The following CDH23 variants were observed in gnomAD, a reference collection of about 807,000 sequenced individuals.
CDH23 encodes cadherin related 23, also known as cadherin-23.
Under a neutral mutation model 317.1 loss-of-function variants are expected in CDH23, and 189 were observed. The ratio of observed to expected loss-of-function variants is 0.60; its 90% CI spans 0.53 to 0.67. The LOEUF is 0.67. Ranked by LOEUF, CDH23 falls within the 30% of genes least tolerant of loss-of-function variation. The pLI is 0.00. For synonymous variants in CDH23, 1,839 were observed against 1,876.8 expected, an observed-to-expected ratio of 0.98 and a Z score of 0.52; for missense variants, 4,401 against 4,592.4, an observed-to-expected ratio of 0.96 and a Z score of 1.20.
chr10:71,651,772 A>AC lies in CDH23; in HGVS notation c.1449+5160dup, dbSNP rs1398730571. 5.9e-5 allele frequency among the ~76,000 whole-genome samples: 9 copies of AC among 151,996 alleles called. No individual in the cohort carries two copies. In the East Asian group the frequency reaches 1.5e-3, roughly 26 times the overall value. On this transcript the variant is annotated intron_variant, in intron 14 of 69. Transcript: ENST00000224721. The stretch of plus-strand genomic sequence containing the variant: ...GGAAGGCCTATATCAAACCATCCAT[A>AC]CCCCCTTGCCTGTTCCATCCTTGTG...
At chr10:71,684,378 T>G (rs1040329627) in intron 18 of CDH23, among the ~76,000 whole-genome samples, 1 of 152,146 alleles carries the variant, frequency 6.6e-6, no homozygotes, top group Non-Finnish European at 1.5e-5. Context: ...AAGGAGGCAG[T>G]GAATTCTGTG....
At chr10:71,550,636 G>C (rs1249734682) in intron 6 of CDH23, among the ~76,000 whole-genome samples, 1 of 151,840 alleles carries the variant, frequency 6.6e-6, no homozygotes, top group African/African-American at 2.4e-5. Context: ...AGACAAGGCT[G>C]CCTGTGGGAA....
intron 69 of CDH23, among the ~76,000 whole-genome samples, chr10:71,813,776 C>T (rs1042230083): frequency 2.0e-5 from 3 of 152,066 alleles, no homozygotes; most frequent in African/African-American, 7.2e-5. Context: ...GGCCTGGTGG[C>T]GGACGCCTAT....
intron 41 of CDH23, among the ~76,000 whole-genome samples, chr10:71,780,402 C>A (rs1840921063): frequency 6.6e-6 from 1 of 152,052 alleles, no homozygotes; most frequent in African/African-American, 2.4e-5. Context: ...GTGAAGGCAG[C>A]AATTGTAGGT....
chr10:71,415,735 T>C (rs1848506885), intron 1 of CDH23, among the ~76,000 whole-genome samples: 1 of 152,216 alleles, frequency 6.6e-6, no homozygotes, highest in Non-Finnish European at 1.5e-5. Context: ...TTCTAATTTC[T>C]GTTATAGTTT....
At chr10:71,682,345 G>C in intron 17 of CDH23, 100 bp from the exon 18 acceptor site, 1 of 1,474,708 alleles carries the variant, frequency 6.8e-7, no homozygotes, top group South Asian at 1.2e-5. Flanking sequence ...GCTGGCCCGG[G>C]CCATGCCAGC....
chr10:71,404,276 T>C (rs1847994964), intron 1 of CDH23, among the ~76,000 whole-genome samples: 1 of 152,188 alleles, frequency 6.6e-6, no homozygotes, highest in South Asian at 2.1e-4. Context: ...CACCCCATGT[T>C]ATCCCACTCC....
At chr10:71,557,963 A>G (rs1249915238) in intron 6 of CDH23, among the ~76,000 whole-genome samples, 1 of 150,926 alleles carries the variant, frequency 6.6e-6, no homozygotes. Context: ...TTTTTGGATG[A>G]TTTCTTCCTC....
chr10:71,751,818 G>T lies in CDH23; in HGVS notation c.4845+9897G>T, dbSNP rs764702023. On this transcript the variant is annotated intron_variant, in intron 38 of 69. Coordinates refer to ENST00000224721, the MANE Select transcript of CDH23 (RefSeq NM_022124.6). This position sits in a 1 kb window ranked among gnomAD's most constrained non-coding sequence, Gnocchi z 4.9. ...TTGGCCTCGGGTATCCCCTGGGCAG[G>T]TGGTGAGGCTTCAAAGCCGGGGTTT... 7.0e-6 allele frequency: 11 copies of T among 1,575,760 alleles called. No individual in the cohort carries two copies. In the East Asian group the frequency reaches 2.5e-4, roughly 36 times the overall value.
chr10:71,772,892 G>A (rs537207800), intron 38 of CDH23, among the ~76,000 whole-genome samples: 1 of 152,312 alleles, frequency 6.6e-6, no homozygotes, highest in African/African-American at 2.4e-5. Context: ...GGTTTCACCA[G>A]GGCATGGGGC....
At chr10:71,470,162 C>T (rs1197969534) in intron 3 of CDH23, among the ~76,000 whole-genome samples, 4 of 152,206 alleles carry the variant, frequency 2.6e-5, no homozygotes, top group Non-Finnish European at 4.4e-5. Flanking sequence ...GGAACTGACA[C>T]GCTGGTTTTC....
Position 71,659,574 on chromosome 10 carries a change from G to C in CDH23, c.1449+12957G>C, listed in dbSNP as rs1863557430. 5.3e-5 allele frequency among the ~76,000 whole-genome samples: 8 copies of C among 152,134 alleles called. No homozygotes were observed. The South Asian group carries it at 1.2e-3, about 24-fold the overall frequency. On this transcript the variant is annotated intron_variant, in intron 14 of 69. Transcript: ENST00000224721. ...AGTTCCATATGCCTGTCATAAAAAC[G>C]ACATTTAACTTCATGACCCAGGACA...
chr10:71,704,152 G>A (rs1004379090), intron 24 of CDH23, among the ~76,000 whole-genome samples: 67 of 152,338 alleles, frequency 4.4e-4, no homozygotes, highest in African/African-American at 1.6e-3. Context: ...CCAGTTTGCT[G>A]GATGTGAAAT....
chr10:71,615,495 C>G lies in CDH23; in HGVS notation c.833-9C>G. 1.2e-6 allele frequency: 2 copies of G among 1,603,316 alleles called. No individual in the cohort carries two copies. The highest frequency in any genetic ancestry group is 1.7e-6 in the Non-Finnish European group (2 of 1,172,406). ...CCTGGTCACACCTGAATGCTTCTCT[C>G]TCTTGCAGGGAATACCAACAGCATC... is the stretch of plus-strand genomic sequence containing the variant. On this transcript the variant is annotated splice_polypyrimidine_tract_variant and intron_variant, in intron 9 of 69. Transcript: ENST00000224721.
intron 1 of CDH23, among the ~76,000 whole-genome samples, chr10:71,427,187 G>A (rs1849116404): frequency 7.1e-5 from 1 of 14,084 alleles, no homozygotes; most frequent in Non-Finnish European, 1.4e-4. Flanking sequence ...AGGAAGGAAG[G>A]AAGGAAAGAG....
At chr10:71,775,397 C>T (rs1840794716) in intron 38 of CDH23, among the ~76,000 whole-genome samples, 1 of 142,252 alleles carries the variant, frequency 7.0e-6, no homozygotes, top group Admixed American at 6.9e-5. Flanking sequence ...CCCTGCCAAC[C>T]CCTTCCCCAG....
intron 6 of CDH23, among the ~76,000 whole-genome samples, chr10:71,526,386 G>A (rs1855042034): frequency 6.6e-6 from 1 of 152,226 alleles, no homozygotes; most frequent in African/African-American, 2.4e-5. Flanking sequence ...GGTGAGCAGA[G>A]GGACTTCCCC....
intron 3 of CDH23, among the ~76,000 whole-genome samples, chr10:71,473,581 A>G (rs1018420175): frequency 7.2e-5 from 11 of 152,214 alleles, no homozygotes; most frequent in African/African-American, 2.7e-4. Flanking sequence ...TCCCAGGGCA[A>G]GTTCCTCAAC....
chr10:71,646,376 A>G (rs1862859398), intron 13 of CDH23, 83 bp from the exon 14 acceptor site: 1 of 1,566,386 alleles, frequency 6.4e-7, no homozygotes, highest in Admixed American at 1.7e-5. Flanking sequence ...GGGCCGGCAA[A>G]GGCATGGAGA....
Sources: gnomAD v4.1 joint callset for allele counts (sites outside exome capture counted in the v4.1 genomes callset) on GRCh38, gnomAD v4.1.1 for gene constraint, Gnocchi (gnomAD v3.1) non-coding constraint, MANE v1.5 for transcripts, NCBI Gene and HGNC (gene_info 2026-07-23, HGNC 2026-07-21) for gene names.